Variants in RHOJ observed in about 807,000 individuals in gnomAD.
The protein encoded by RHOJ is ras homolog family member J.
A neutral mutation model predicts 23.4 loss-of-function variants in RHOJ; 11 were observed. That is an observed-to-expected ratio of 0.47 (90% CI 0.30 to 0.78). The LOEUF (loss-of-function observed/expected upper bound fraction) is 0.78, where lower values mean the gene tolerates loss of function less well. Among genes scored for constraint, RHOJ ranks in the 30% least tolerant of loss-of-function variants. The probability of loss-of-function intolerance (pLI) is 0.08; values close to 1 mark genes in which losing one functional copy is unlikely to be tolerated. For synonymous variants in RHOJ, 102 were observed against 102.7 expected, an observed-to-expected ratio of 0.99 and a Z score of 0.04; for missense variants, 254 against 273.4, an observed-to-expected ratio of 0.93 and a Z score of 0.50.
At chr14:63,250,569 A>T (rs1594765594) in intron 1 of RHOJ, among the ~76,000 whole-genome samples, 1 of 152,156 alleles carries the variant, frequency 6.6e-6, no homozygotes, top group East Asian at 1.9e-4. Context: ...GGACCTCTGT[A>T]TGTGTTTTTT....
At chr14:63,208,739 G>A (rs1318790319) in intron 1 of RHOJ, among the ~76,000 whole-genome samples, 1 of 152,048 alleles carries the variant, frequency 6.6e-6, no homozygotes, top group Non-Finnish European at 1.5e-5. Flanking sequence ...TACACTTAGG[G>A]TATGCTTGAT....
intron 1 of RHOJ, among the ~76,000 whole-genome samples, chr14:63,241,254 T>TGACCTAAA (rs1253397142): frequency 1.1e-4 from 17 of 152,232 alleles, no homozygotes; most frequent in Admixed American, 1.0e-3. Flanking sequence ...CCTAAATGTA[T>TGACCTAAA]TGACCATCTG....
chr14:63,232,082 G>A (rs1894706091), intron 1 of RHOJ, among the ~76,000 whole-genome samples: 1 of 152,168 alleles, frequency 6.6e-6, no homozygotes, highest in African/African-American at 2.4e-5. Context: ...GGCAGGGAAT[G>A]ATGCGACATG....
intron 3 of RHOJ, among the ~76,000 whole-genome samples, chr14:63,282,539 A>G (rs1448276837): frequency 6.6e-6 from 1 of 152,218 alleles, no homozygotes; most frequent in Non-Finnish European, 1.5e-5. Flanking sequence ...CTTTGAAAAG[A>G]TGAATGCTTA....
intron 2 of RHOJ, among the ~76,000 whole-genome samples, chr14:63,276,906 G>GT (rs1566628621): frequency 6.6e-6 from 1 of 152,152 alleles, no homozygotes; most frequent in East Asian, 1.9e-4. Context: ...TTTTGCTTTG[G>GT]TTTTTGGCTT....
At chr14:63,263,157 A>C (rs1895302422) in intron 1 of RHOJ, among the ~76,000 whole-genome samples, 1 of 152,216 alleles carries the variant, frequency 6.6e-6, no homozygotes, top group East Asian at 1.9e-4. Context: ...AGAGGGGCTC[A>C]GAGATGGTAG....
chr14:63,249,594 C>T (rs1895033022), intron 1 of RHOJ, among the ~76,000 whole-genome samples: 1 of 152,144 alleles, frequency 6.6e-6, no homozygotes, highest in Non-Finnish European at 1.5e-5. Flanking sequence ...ACAAGTGGAC[C>T]TAGTTAGAGA....
At chr14:63,251,474 A>T (rs1473974927) in intron 1 of RHOJ, among the ~76,000 whole-genome samples, 1 of 152,240 alleles carries the variant, frequency 6.6e-6, no homozygotes, top group Non-Finnish European at 1.5e-5. Context: ...CAATTCTAGA[A>T]ATAGTGTTTT....
chr14:63,251,438 C>T (rs1167722193), intron 1 of RHOJ, among the ~76,000 whole-genome samples: 2 of 152,128 alleles, frequency 1.3e-5, no homozygotes, highest in Non-Finnish European at 2.9e-5. Context: ...TTACAAAAAC[C>T]CATAGAAAAG....
rs574721068 is a variant in RHOJ at position 63,281,558 on chromosome 14, T to C, written c.402+423T>C. Among the ~76,000 whole-genome samples, 4 of 152,176 alleles carry C rather than the reference T, an allele frequency of 2.6e-5. No individual in the cohort carries two copies. The South Asian group carries it at 8.3e-4, about 32-fold the overall frequency. ...GTGACCACAGCAATCAGAATAGGCA[T>C]TCTATGACAGGAACTCTTTAATTAC... On this transcript the variant is annotated intron_variant, in intron 3 of 4. Coordinates refer to ENST00000316754, the MANE Select transcript of RHOJ (RefSeq NM_020663.5).
chr14:63,208,007 G>A (rs1894151556), intron 1 of RHOJ, among the ~76,000 whole-genome samples: 1 of 152,110 alleles, frequency 6.6e-6, no homozygotes. Flanking sequence ...AATTACAAGA[G>A]TATCCTTTAG....
At chr14:63,274,585 G>A (rs1881657549) in intron 2 of RHOJ, among the ~76,000 whole-genome samples, 1 of 152,152 alleles carries the variant, frequency 6.6e-6, no homozygotes, top group African/African-American at 2.4e-5. Flanking sequence ...TTGTTGATAT[G>A]GGCTGGAGGA....
intron 1 of RHOJ, among the ~76,000 whole-genome samples, chr14:63,239,834 A>C (rs1894852801): frequency 6.6e-6 from 1 of 152,140 alleles, no homozygotes; most frequent in Non-Finnish European, 1.5e-5. Flanking sequence ...TTACCAATCT[A>C]TGTGTGGTAT....
At chr14:63,205,899 A>C (rs1894098503) in intron 1 of RHOJ, among the ~76,000 whole-genome samples, 1 of 152,188 alleles carries the variant, frequency 6.6e-6, no homozygotes, top group African/African-American at 2.4e-5. Context: ...AAATTTTATT[A>C]AGTTTATCAA....
At chr14:63,220,650 A>T (rs1894471904) in intron 1 of RHOJ, among the ~76,000 whole-genome samples, 1 of 152,144 alleles carries the variant, frequency 6.6e-6, no homozygotes, top group South Asian at 2.1e-4. Flanking sequence ...TGAAAGAAAG[A>T]TCTGCCTGGA....
At chr14:63,288,393 G>A (rs1009555140) in intron 4 of RHOJ, 1 of 948,054 alleles carries the variant, frequency 1.1e-6, no homozygotes, top group African/African-American at 1.8e-5. Context: ...TTAGTGGAGA[G>A]GTATTCCAGA....
chr14:63,272,817 A>C (rs143070803), intron 2 of RHOJ, among the ~76,000 whole-genome samples: 9,394 of 152,252 alleles, frequency 0.062, 363 homozygotes, highest in East Asian at 0.2. Context: ...CAAGGTCAGG[A>C]GTTCAAGACC....
intron 3 of RHOJ, among the ~76,000 whole-genome samples, chr14:63,281,909 G>A (rs531481456): frequency 5.3e-5 from 8 of 152,110 alleles, no homozygotes; most frequent in South Asian, 2.1e-4. Context: ...TGTTTCATAC[G>A]CTATTTCTTT....
intron 1 of RHOJ, among the ~76,000 whole-genome samples, 169 bp downstream of exon 1, chr14:63,205,216 A>G (rs1894083037): frequency 6.6e-6 from 1 of 152,200 alleles, no homozygotes; most frequent in African/African-American, 2.4e-5. Context: ...TGGTAGAACA[A>G]TTTGTGCATC....
Sources: gnomAD v4.1 joint callset for allele counts (sites outside exome capture counted in the v4.1 genomes callset) on GRCh38, gnomAD v4.1.1 for gene constraint, MANE v1.5 for transcripts, NCBI Gene and HGNC (gene_info 2026-07-23, HGNC 2026-07-21) for gene names.